CFH: variants seen among roughly 807,000 people sequenced by gnomAD.
The protein encoded by CFH is complement factor H.
Under a neutral mutation model 147.3 loss-of-function variants are expected in CFH, and 53 were observed. That is an observed-to-expected ratio of 0.36 (90% CI 0.29 to 0.45). The LOEUF is 0.45. Among genes scored for constraint, CFH ranks in the 20% least tolerant of loss-of-function variants. The probability of loss-of-function intolerance (pLI) is 1.00; values close to 1 mark genes in which losing one functional copy is unlikely to be tolerated. For missense variants in CFH, 1,380 were observed against 1,498.0 expected (o/e 0.92, Z 1.30); for synonymous variants, 536 against 489.4 (o/e 1.10, Z -1.26).
At chr1:196,715,839 G>C (rs1179103683) in intron 11 of CFH, 70 bp downstream of exon 11, 2 of 1,280,876 alleles carry the variant, frequency 1.6e-6, no homozygotes, top group Admixed American at 1.9e-5. Context: ...TTAAAAATTT[G>C]AATTATATAG....
Position 196,713,760 on chromosome 1 carries a change from T to C in CFH, c.1362T>C (p.Asp454=). 2 of 1,596,890 alleles carry C rather than the reference T, an allele frequency of 1.3e-6. No homozygotes were observed. Among genetic ancestry groups the C allele is most frequent in the South Asian group, 1.1e-5 (1 of 90,576 alleles). ...AAACATGTTCCAAATCAAGTATAGA[T>C]ATTGAGAATGGGTTTATTTCTGAAT... ...RVKTCSKSSI[D]IENGFISESQ... Residue 454 remains aspartate (D), a synonymous_variant, in exon 10 of 22, where the codon GAT becomes GAC. Transcript: ENST00000367429.
In CFH at chr1:196,726,774, C is replaced by T. The variant is rs778710774; in HGVS notation, c.2070C>T (p.Thr690=). 1 of 1,613,642 alleles carries T rather than the reference C, an allele frequency of 6.2e-7. No individual in the cohort carries two copies. The highest frequency in any genetic ancestry group is 1.1e-5 in the South Asian group (1 of 91,070). The change falls in exon 14 of 22, where the codon ACC becomes ACT. Residue 690 remains threonine (T), a synonymous_variant. Coordinates refer to ENST00000367429, the MANE Select transcript of CFH (RefSeq NM_000186.4). ...AAATTTACATAGTGGAGGAGAGTACCTGTGGAGATATACCTGAACTTGAAC... is the reference window on the plus strand; with the variant it reads ...AAATTTACATAGTGGAGGAGAGTACTTGTGGAGATATACCTGAACTTGAAC... The part of the protein sequence containing the change: ...TLPVCIVEES[T]CGDIPELEHG...
chr1:196,686,507 C>A (rs916957862), intron 7 of CFH, among the ~76,000 whole-genome samples: 3 of 152,072 alleles, frequency 2.0e-5, no homozygotes, highest in Non-Finnish European at 4.4e-5. Flanking sequence ...AATCAAATTT[C>A]TTTTCTTTCT....
intron 1 of CFH, among the ~76,000 whole-genome samples, chr1:196,653,050 G>T (rs564608285): frequency 6.6e-6 from 1 of 151,764 alleles, no homozygotes; most frequent in East Asian, 1.9e-4. Context: ...TTTTCACTTA[G>T]TAAAGAAATT....
chr1:196,686,060 G>A (rs1050835511), intron 7 of CFH, among the ~76,000 whole-genome samples: 5 of 152,070 alleles, frequency 3.3e-5, no homozygotes, highest in Admixed American at 6.6e-5. Flanking sequence ...GAGACAGAGA[G>A]CAAAGGGGAA....
chr1:196,659,134 A>G (rs1463207142), intron 1 of CFH, among the ~76,000 whole-genome samples: 1 of 152,140 alleles, frequency 6.6e-6, no homozygotes, highest in Non-Finnish European at 1.5e-5. Flanking sequence ...TATGCATCCT[A>G]TTTAATAAGC....
intron 3 of CFH, among the ~76,000 whole-genome samples, chr1:196,674,220 A>G (rs1005688456): frequency 6.6e-6 from 1 of 152,188 alleles, no homozygotes; most frequent in Non-Finnish European, 1.5e-5. Context: ...ATGCACATAT[A>G]TAAGTATTCA....
intron 11 of CFH, among the ~76,000 whole-genome samples, chr1:196,723,891 CT>C (rs1447825088): frequency 6.6e-6 from 1 of 152,034 alleles, no homozygotes; most frequent in East Asian, 2.0e-4. Context: ...CACCAGTCTC[CT>C]TTGCGAGTGA....
At chr1:196,692,881 C>CCTACCTACCTACCTACCTT (rs1553275284) in intron 9 of CFH, among the ~76,000 whole-genome samples, 5 of 57,324 alleles carry the variant, frequency 8.7e-5, no homozygotes, top group Non-Finnish European at 1.5e-4. Flanking sequence ...TCTGTCACCT[C>CCTACCTACCTACCTACCTT]CCTCCCTCCC....
intron 9 of CFH, among the ~76,000 whole-genome samples, chr1:196,712,608 G>GTTATTA (rs371151489): frequency 0.031 from 4,578 of 149,092 alleles, 237 homozygotes; most frequent in African/African-American, 0.11. Context: ...CTTTTTTTGG[G>GTTATTA]TTATTATTAT....
intron 18 of CFH, chr1:196,741,006 G>A (rs760820978): frequency 1.4e-5 from 8 of 564,294 alleles, no homozygotes; most frequent in Non-Finnish European, 2.2e-5. Flanking sequence ...TGAACTTTAA[G>A]CATCCTCTGA....
chr1:196,722,998 G>A (rs1245360337), intron 11 of CFH, among the ~76,000 whole-genome samples: 1 of 150,944 alleles, frequency 6.6e-6, no homozygotes, highest in Non-Finnish European at 1.5e-5. Context: ...TAATTTCTTT[G>A]TGTTGCTTTT....
intron 14 of CFH, among the ~76,000 whole-genome samples, chr1:196,727,997 T>C (rs1325758471): frequency 2.6e-5 from 4 of 152,172 alleles, no homozygotes; most frequent in Non-Finnish European, 5.9e-5. Context: ...CACTTTTCTC[T>C]AAACTGAGAT....
At chr1:196,655,021 ATACTT>A (rs1244301645) in intron 1 of CFH, among the ~76,000 whole-genome samples, 1 of 152,162 alleles carries the variant, frequency 6.6e-6, no homozygotes, top group Non-Finnish European at 1.5e-5. Context: ...TCCTCCTAAA[ATACTT>A]TACGTGTTGA....
At chr1:196,671,598 A>G (rs1480017604) in intron 1 of CFH, among the ~76,000 whole-genome samples, 1 of 149,450 alleles carries the variant, frequency 6.7e-6, no homozygotes, top group Non-Finnish European at 1.5e-5. Flanking sequence ...ACACACACAC[A>G]CACACACACA....
At chr1:196,692,128 T>G (rs763543140) in intron 9 of CFH, among the ~76,000 whole-genome samples, 8 of 152,084 alleles carry the variant, frequency 5.3e-5, no homozygotes, top group Non-Finnish European at 1.2e-4. Flanking sequence ...CTATTGAATT[T>G]TATTTATTTA....
At chr1:196,721,035 G>A (rs760178432) in intron 11 of CFH, among the ~76,000 whole-genome samples, 6 of 151,558 alleles carry the variant, frequency 4.0e-5, no homozygotes, top group Admixed American at 1.3e-4. Context: ...TTTTTAATTC[G>A]CATTTCTCTG....
At chr1:196,723,453 C>T (rs747751333) in intron 11 of CFH, among the ~76,000 whole-genome samples, 3 of 152,116 alleles carry the variant, frequency 2.0e-5, no homozygotes, top group Non-Finnish European at 4.4e-5. Context: ...TGGAGGACTA[C>T]GCAGAAAACT....
At chr1:196,704,487 G>C (rs1181694003) in intron 9 of CFH, among the ~76,000 whole-genome samples, 1 of 152,214 alleles carries the variant, frequency 6.6e-6, no homozygotes, top group African/African-American at 2.4e-5. Context: ...TTCAGACCAA[G>C]CATGTGCTCT....
Sources: allele counts gnomAD v4.1 joint callset (sites outside exome capture counted in the v4.1 genomes callset), GRCh38; gene constraint gnomAD v4.1.1; transcripts MANE v1.5; gene names NCBI Gene and HGNC (gene_info 2026-07-23, HGNC 2026-07-21).